The following NUP98 variants were observed in gnomAD, a reference collection of about 807,000 sequenced individuals.
NUP98 encodes the protein nucleoporin 98 and 96 precursor.
A neutral mutation model predicts 191.9 loss-of-function variants in NUP98; 26 were observed. The observed-to-expected ratio is 0.14, with a 90% confidence interval of 0.10 to 0.19. The LOEUF (loss-of-function observed/expected upper bound fraction) is 0.19, where lower values mean the gene tolerates loss of function less well. NUP98 is among the 10% of genes least tolerant of loss of function. NUP98 has a pLI of 1.00. For missense variants in NUP98, 1,941 were observed against 2,178.8 expected (o/e 0.89, Z 2.17); for synonymous variants, 808 against 778.4 (o/e 1.04, Z -0.63).
chr11:3,797,521 C>A lies in NUP98; in HGVS notation c.-150G>T. The stretch of plus-strand genomic sequence containing the variant: ...CGCTACCACCCCTGCCACCGACCGC[C>A]GCTTCGGGCGCAGCGCGCAGAGGGC... On this transcript the variant is annotated 5_prime_UTR_variant, in exon 1 of 33. Coordinates refer to ENST00000324932, the MANE Select transcript of NUP98 (RefSeq NM_016320.5). The A allele has an allele frequency of 4.5e-6, 2 of 443,726 alleles. No individual in the cohort carries two copies. Among genetic ancestry groups the A allele is most frequent in the Non-Finnish European group, 7.9e-6 (2 of 252,554 alleles). The allele number at this position is 443,726 out of a possible 1,614,324, so 27.5% of individuals were successfully genotyped here.
At chr11:3,732,395 A>G (rs2079882833) in intron 13 of NUP98, among the ~76,000 whole-genome samples, 1 of 152,196 alleles carries the variant, frequency 6.6e-6, no homozygotes, top group South Asian at 2.1e-4. Flanking sequence ...ATTTATGTTC[A>G]TTTGATGAAA....
intron 17 of NUP98, 128 bp downstream of exon 17, chr11:3,720,584 T>C (rs2079353265): frequency 4.0e-6 from 2 of 501,532 alleles, no homozygotes; most frequent in Middle Eastern, 6.1e-4. Context: ...AATCAAAGTA[T>C]TTAAGATTCA....
intron 30 of NUP98, among the ~76,000 whole-genome samples, chr11:3,682,269 A>G (rs898435305): frequency 6.6e-6 from 1 of 152,208 alleles, no homozygotes; most frequent in Non-Finnish European, 1.5e-5. Context: ...TGTTCACTGG[A>G]GTAGCACTTT....
At chr11:3,692,879 C>T (rs540556312) in intron 27 of NUP98, among the ~76,000 whole-genome samples, 1 of 152,168 alleles carries the variant, frequency 6.6e-6, no homozygotes, top group Admixed American at 6.5e-5. Flanking sequence ...ATACATTAAC[C>T]TCAAAACTGA....
rs202116197 is a variant in NUP98 at position 3,712,639 on chromosome 11, A to G, written c.2667T>C (p.Thr889=). 3.2e-5 allele frequency: 51 copies of G among 1,613,906 alleles called. No homozygotes were observed. In the East Asian group the frequency reaches 1.1e-3, roughly 35 times the overall value. Residue 889 remains threonine, a synonymous_variant, in exon 20 of 33, where the codon ACT becomes ACC. Coordinates refer to ENST00000324932, the MANE Select transcript of NUP98 (RefSeq NM_016320.5). ...PSKTSTKKLK[T]APLPPASQTT... Reference sequence around the variant, plus strand: ...TCTGGCTTGCAGGAGGCAAAGGAGCAGTCTTCAACTTCTTTGTACTAGTTT... The same window carrying G: ...TCTGGCTTGCAGGAGGCAAAGGAGCGGTCTTCAACTTCTTTGTACTAGTTT...
intron 11 of NUP98, among the ~76,000 whole-genome samples, chr11:3,747,299 A>ATCT (rs1466238813): frequency 6.6e-6 from 1 of 152,216 alleles, no homozygotes; most frequent in Non-Finnish European, 1.5e-5. Context: ...CAAAATTGTT[A>ATCT]GAATTTAAAT....
At chr11:3,741,441 G>T (rs559875318) in intron 12 of NUP98, among the ~76,000 whole-genome samples, 1 of 152,144 alleles carries the variant, frequency 6.6e-6, no homozygotes, top group African/African-American at 2.4e-5. Flanking sequence ...GGCCAACATG[G>T]TGAAACCCCA....
chr11:3,773,684 G>C lies in NUP98; in HGVS notation c.551C>G (p.Thr184Ser). Residue 184 changes from threonine to serine, a missense_variant, in exon 6 of 33, where the codon ACC (threonine) becomes AGC (serine). By Grantham distance (58) the Thr-to-Ser change is moderately conservative. Transcript: ENST00000324932. Reference sequence around the variant, plus strand: ...CATAGCAGTAATACACTGGTGCTTGGTACTTATGTTAGTGCTAACTCCAGC... The same window carrying C: ...CATAGCAGTAATACACTGGTGCTTGCTACTTATGTTAGTGCTAACTCCAGC... ...VKAGVSTNIS[T>S]KHQCITAMKE... 6.2e-7 allele frequency: 1 copy of C among 1,613,540 alleles called. No individual in the cohort carries two copies. The highest frequency in any genetic ancestry group is 8.5e-7 in the Non-Finnish European group (1 of 1,179,748).
chr11:3,781,986 G>T, intron 2 of NUP98, 56 bp downstream of exon 2: 1 of 1,180,754 alleles, frequency 8.5e-7, no homozygotes, highest in Non-Finnish European at 1.2e-6. Flanking sequence ...GAGTGGATTT[G>T]TTCTTAGTAA....
At chr11:3,729,373 C>G (rs2079743699) in intron 14 of NUP98, among the ~76,000 whole-genome samples, 1 of 151,478 alleles carries the variant, frequency 6.6e-6, no homozygotes, top group Admixed American at 6.6e-5. Flanking sequence ...GAAAGTGAAT[C>G]AAGGAGGAGG....
In NUP98 at chr11:3,676,046, G is replaced by C. The variant is rs199544160; in HGVS notation, c.*113C>G. ...TGCTGCTTCTGGCAGCAGGGAGGGA[G>C]GGTAGATGCCACAGCCAACCCAGAG... On this transcript the variant is annotated 3_prime_UTR_variant, in exon 33 of 33. Transcript: ENST00000324932. 11 of 925,186 alleles carry C rather than the reference G, an allele frequency of 1.2e-5. No individual in the cohort carries two copies. The highest frequency in any genetic ancestry group is 1.7e-5 in the Non-Finnish European group (10 of 599,640). 57.3% of individuals were successfully genotyped at this position (925,186 alleles called of 1,614,324 possible).
At chr11:3,727,574 G>A (rs996552963) in intron 14 of NUP98, among the ~76,000 whole-genome samples, 2 of 152,078 alleles carry the variant, frequency 1.3e-5, no homozygotes, top group Non-Finnish European at 2.9e-5. Flanking sequence ...GAAAGAGAGA[G>A]TAAATAAAGG....
chr11:3,749,657 G>A (rs1278701347), intron 11 of NUP98, among the ~76,000 whole-genome samples: 2 of 151,492 alleles, frequency 1.3e-5, no homozygotes, highest in Admixed American at 1.3e-4. Context: ...AAATTAACAA[G>A]AATCTCAAGT....
At chr11:3,771,205 A>G (rs1413045593) in intron 7 of NUP98, among the ~76,000 whole-genome samples, 4 of 152,140 alleles carry the variant, frequency 2.6e-5, no homozygotes, top group Admixed American at 1.3e-4. Context: ...TCTTATGTTG[A>G]TAATAGCTTT....
intron 14 of NUP98, among the ~76,000 whole-genome samples, chr11:3,725,557 T>A (rs1173549516): frequency 6.6e-6 from 1 of 152,238 alleles, no homozygotes; most frequent in African/African-American, 2.4e-5. Flanking sequence ...TTCAATCATC[T>A]GTATACTCTC....
chr11:3,748,947 TA>T (rs1014625515), intron 11 of NUP98, among the ~76,000 whole-genome samples: 2,338 of 138,598 alleles, frequency 0.017, 46 homozygotes, highest in African/African-American at 0.053. Flanking sequence ...GAATTTTCAT[TA>T]AAAAAAAAAA....
At chr11:3,732,408 A>T (rs1486165426) in intron 13 of NUP98, among the ~76,000 whole-genome samples, 1 of 152,236 alleles carries the variant, frequency 6.6e-6, no homozygotes, top group Non-Finnish European at 1.5e-5. Context: ...TGATGAAAAC[A>T]TGATACCAAA....
At position 3,706,494 on chromosome 11, in the gene NUP98, G is replaced by A. The variant is rs1202466673; in HGVS notation, c.2876C>T (p.Ala959Val). The A allele has an allele frequency of 6.2e-7, 1 of 1,613,962 alleles. No homozygotes were observed. Among genetic ancestry groups the A allele is most frequent in the African/African-American group, 1.3e-5 (1 of 74,898 alleles). ...SMPEDQEPVS[A>V]STHIASSLGI... ...CAGTGAAGATGCAATATGTGTTGAG[G>A]CAGACACAGGTTCCTGATCCTCAGG... is the stretch of plus-strand genomic sequence containing the variant. Residue 959 changes from alanine to valine, a missense_variant, in exon 21 of 33, where the codon GCC becomes GTC. Around this residue, in one of 6 missense-constraint regions of NUP98, gnomAD observed 1,030 missense variants for 1,115.8 expected, o/e 0.92. Transcript: ENST00000324932.
chr11:3,775,970 G>A lies in NUP98; in HGVS notation c.407C>T (p.Thr136Ile). ...SGGLFGTTNT[T>I]SNPFGSTSGS... ...AGATGTGCTGCCAAAAGGATTAGAG[G>A]TGGTATTTGTGGTTCCAAAGAGTCC... The change falls in exon 5 of 33, where the codon ACC becomes ATC. Residue 136 changes from threonine (T) to isoleucine (I), a missense_variant. By Grantham distance (89) the Thr-to-Ile change is moderately conservative. This residue lies in a region of NUP98 where 154 missense variants were observed against 182.9 expected (regional missense o/e 0.84). Coordinates refer to ENST00000324932, the MANE Select transcript of NUP98 (RefSeq NM_016320.5). 1.2e-6 allele frequency: 2 copies of A among 1,613,354 alleles called. No individual in the cohort carries two copies. Among genetic ancestry groups the A allele is most frequent in the Non-Finnish European group, 1.7e-6 (2 of 1,179,338 alleles).
Sources: allele counts gnomAD v4.1 joint callset (sites outside exome capture counted in the v4.1 genomes callset), GRCh38; gene constraint gnomAD v4.1.1; regional missense constraint gnomAD v4.1.1; transcripts MANE v1.5; gene names NCBI Gene and HGNC (gene_info 2026-07-23, HGNC 2026-07-21).